PTPRO: variants seen among roughly 807,000 people sequenced by gnomAD.
PTPRO encodes the protein receptor-type tyrosine-protein phosphatase O.
PTPRO carries 62 observed loss-of-function variants against 145.2 expected under a neutral mutation model. The ratio of observed to expected loss-of-function variants is 0.43; its 90% CI spans 0.35 to 0.53. The LOEUF is 0.53. Among genes scored for constraint, PTPRO ranks in the 20% least tolerant of loss-of-function variants. The probability of loss-of-function intolerance (pLI) is 0.01; values close to 1 mark genes in which losing one functional copy is unlikely to be tolerated. For synonymous variants in PTPRO, 565 were observed against 514.7 expected (o/e 1.10, Z -1.32); for missense variants, 1,345 against 1,482.7 (o/e 0.91, Z 1.53).
At chr12:15,477,902 C>G (rs1219112962) in intron 1 of PTPRO, among the ~76,000 whole-genome samples, 2 of 152,126 alleles carry the variant, frequency 1.3e-5, no homozygotes, top group Admixed American at 6.5e-5. Context: ...TGTGACCCAC[C>G]ACCACACTAT....
rs529655906 is a variant in PTPRO at position 15,560,288 on chromosome 12, T to C, written c.2711+12T>C. ...TATATTAATCCTTGGTAAGTGATTT[T>C]TTTTTACTGTTTAACACAAACTCTT... On this transcript the variant is annotated intron_variant, in intron 17 of 26. Coordinates refer to ENST00000281171, the MANE Select transcript of PTPRO (RefSeq NM_030667.3). The C allele has an allele frequency of 1.3e-6, 2 of 1,527,326 alleles. No individual in the cohort carries two copies. The highest frequency in any genetic ancestry group is 1.4e-5 in the African/African-American group (1 of 73,110). The allele number at this position is 1,527,326 out of a possible 1,614,324, so 94.6% of individuals were successfully genotyped here. A position where few individuals can be genotyped will look rare whatever the true frequency, so the allele number is the denominator to read the frequency against.
intron 1 of PTPRO, 151 bp from the exon 2 acceptor site, chr12:15,483,823 C>T: frequency 1.3e-6 from 1 of 742,804 alleles, no homozygotes; most frequent in Non-Finnish European, 2.2e-6. Context: ...ACTAAAATAC[C>T]TATGTAACTC....
chr12:15,344,807 T>A (rs1377147548), intron 1 of PTPRO, among the ~76,000 whole-genome samples: 1 of 152,182 alleles, frequency 6.6e-6, no homozygotes, highest in Admixed American at 6.5e-5. Context: ...CCCTCCATGA[T>A]AAATCCTGAA....
chr12:15,558,657 T>C (rs1943699644), intron 16 of PTPRO, among the ~76,000 whole-genome samples: 1 of 152,232 alleles, frequency 6.6e-6, no homozygotes, highest in African/African-American at 2.4e-5. Flanking sequence ...TATTAATCAT[T>C]GTTCAGTTAT....
chr12:15,485,206 T>C (rs1215130329), intron 2 of PTPRO, among the ~76,000 whole-genome samples: 1 of 151,972 alleles, frequency 6.6e-6, no homozygotes, highest in Non-Finnish European at 1.5e-5. Flanking sequence ...TTAACACATC[T>C]CTCAAAAATT....
chr12:15,370,494 C>G (rs1938493892), intron 1 of PTPRO, among the ~76,000 whole-genome samples: 1 of 152,094 alleles, frequency 6.6e-6, no homozygotes, highest in Non-Finnish European at 1.5e-5. Context: ...GAAAACTTCT[C>G]AAAGCATAAG....
chr12:15,338,097 T>C (rs1304944960), intron 1 of PTPRO, among the ~76,000 whole-genome samples: 8 of 152,218 alleles, frequency 5.3e-5, no homozygotes, highest in Non-Finnish European at 4.4e-5. Flanking sequence ...GATGTACTAA[T>C]ATCAATTTCA....
At position 15,520,187 on chromosome 12, in the gene PTPRO, C is replaced by A; in HGVS notation, c.1780-14C>A. ...CCACAGTCTTTTGTCTCCTTGCTTG[C>A]TTTTCTCATTCAGAGAATAGCTAAT... is the stretch of plus-strand genomic sequence containing the variant. On this transcript the variant is annotated splice_polypyrimidine_tract_variant and intron_variant, in intron 9 of 26. Transcript: ENST00000281171. 4 of 1,592,342 alleles carry A rather than the reference C, an allele frequency of 2.5e-6. No homozygotes were observed. Among genetic ancestry groups the A allele is most frequent in the Non-Finnish European group, 3.4e-6 (4 of 1,160,192 alleles).
At chr12:15,588,623 G>A (rs1944478977) in intron 24 of PTPRO, among the ~76,000 whole-genome samples, 1 of 152,170 alleles carries the variant, frequency 6.6e-6, no homozygotes, top group South Asian at 2.1e-4. Flanking sequence ...AAAATGGCAG[G>A]CATGCTGTAA....
chr12:15,463,322 C>T (rs1941346356), intron 1 of PTPRO, among the ~76,000 whole-genome samples: 1 of 152,080 alleles, frequency 6.6e-6, no homozygotes. Flanking sequence ...ACCATCTTAG[C>T]CCGGTGAATG....
chr12:15,488,596 C>G (rs1941938864), intron 2 of PTPRO, among the ~76,000 whole-genome samples: 1 of 152,148 alleles, frequency 6.6e-6, no homozygotes, highest in Non-Finnish European at 1.5e-5. Context: ...TAAAAGAGTA[C>G]CTTTATAGCA....
chr12:15,494,004 G>A (rs2136456660), intron 2 of PTPRO, among the ~76,000 whole-genome samples: 1 of 152,116 alleles, frequency 6.6e-6, no homozygotes, highest in East Asian at 1.9e-4. Context: ...ACAAGCTGCA[G>A]GATAGTTATG....
At chr12:15,377,115 G>C (rs1004625764) in intron 1 of PTPRO, among the ~76,000 whole-genome samples, 4 of 152,028 alleles carry the variant, frequency 2.6e-5, no homozygotes, top group Non-Finnish European at 5.9e-5. Flanking sequence ...TATTAACTTA[G>C]CGTTAATATG....
intron 1 of PTPRO, among the ~76,000 whole-genome samples, chr12:15,351,765 A>G (rs1375395874): frequency 6.6e-6 from 1 of 152,222 alleles, no homozygotes; most frequent in African/African-American, 2.4e-5. Flanking sequence ...ATCTCTAATA[A>G]CTGGTAACCT....
intron 1 of PTPRO, among the ~76,000 whole-genome samples, chr12:15,401,647 C>T (rs1939496529): frequency 6.6e-6 from 1 of 152,162 alleles, no homozygotes; most frequent in Admixed American, 6.5e-5. Flanking sequence ...TGAGAATTCA[C>T]AGTATATTAA....
intron 1 of PTPRO, among the ~76,000 whole-genome samples, chr12:15,412,934 C>T (rs1463963515): frequency 6.6e-6 from 1 of 152,152 alleles, no homozygotes; most frequent in Non-Finnish European, 1.5e-5. Context: ...GACAGGATTA[C>T]AGGCATGCAC....
chr12:15,573,786 G>A (rs779747398), intron 19 of PTPRO, among the ~76,000 whole-genome samples: 1 of 152,186 alleles, frequency 6.6e-6, no homozygotes, highest in Middle Eastern at 3.4e-3. Flanking sequence ...TCAGCGTCAG[G>A]GTTTCCTCAT....
chr12:15,333,227 GCACTTCTTTCTGAA>G (rs1202650789), intron 1 of PTPRO, among the ~76,000 whole-genome samples: 2 of 152,112 alleles, frequency 1.3e-5, no homozygotes, highest in Non-Finnish European at 2.9e-5. Flanking sequence ...TTTTTATTCA[GCACTTCTTTCTGAA>G]CAGCCTATCT....
At chr12:15,568,133 A>G (rs1164782498) in intron 18 of PTPRO, among the ~76,000 whole-genome samples, 2 of 152,176 alleles carry the variant, frequency 1.3e-5, no homozygotes, top group African/African-American at 4.8e-5. Context: ...CTAATTGGAC[A>G]TAAGACCACA....
Sources: allele counts gnomAD v4.1 joint callset (sites outside exome capture counted in the v4.1 genomes callset), GRCh38; gene constraint gnomAD v4.1.1; transcripts MANE v1.5; gene names NCBI Gene and HGNC (gene_info 2026-07-23, HGNC 2026-07-21).